Variants in ARSD observed in about 807,000 individuals in gnomAD.
ARSD encodes testis tissue sperm-binding protein Li 39a.
A neutral mutation model predicts 32.6 loss-of-function variants in ARSD; 21 were observed. That is an observed-to-expected ratio of 0.64 (90% CI 0.46 to 0.93). ARSD has a LOEUF of 0.93. Among genes scored for constraint, ARSD ranks in the 40% least tolerant of loss-of-function variants. The pLI, the probability that ARSD is intolerant of heterozygous loss-of-function variation, is 0.00. For synonymous variants in ARSD, 224 were observed against 237.4 expected (o/e 0.94, Z 0.52); for missense variants, 454 against 520.9 (o/e 0.87, Z 1.25).
rs1272461019 is a variant in ARSD at position 2,928,424 on chromosome X, G to C, written c.44+808C>G. On this transcript the variant is annotated intron_variant, in intron 1 of 9. Transcript: ENST00000381154. ...GTCACAGCCGTGCTTGGGAGGATGGGGTCTGGGGGAAGGACGGGGCGCGTC... is the reference window on the plus strand; with the variant it reads ...GTCACAGCCGTGCTTGGGAGGATGGCGTCTGGGGGAAGGACGGGGCGCGTC... Among the ~76,000 whole-genome samples the C allele has an allele frequency of 8.3e-5, 8 of 96,766 alleles. 1 individual carries two copies. The highest frequency in any genetic ancestry group is 1.5e-4 in the Non-Finnish European group (7 of 47,877). The allele number at this position is 96,766 out of a possible 115,157, so 84.0% of individuals were successfully genotyped here.
intron 3 of ARSD, 95 bp from the exon 4 acceptor site, chrX:2,920,818 G>A: frequency 9.4e-7 from 1 of 1,060,491 alleles, no homozygotes; most frequent in African/African-American, 1.8e-5. Flanking sequence ...CTGGATTTGT[G>A]CACCCGAGCC....
At chrX:2,927,394 G>A (rs1157296678) in intron 1 of ARSD, among the ~76,000 whole-genome samples, 1 of 110,728 alleles carries the variant, frequency 9.0e-6, no homozygotes, top group African/African-American at 3.3e-5. Flanking sequence ...TGAGTAGCTG[G>A]GATCACAGGT....
At chrX:2,925,583 A>C (rs41302607) in intron 2 of ARSD, 33 bp downstream of exon 2, 8 of 1,193,726 alleles carry the variant, frequency 6.7e-6, no homozygotes, top group South Asian at 1.8e-5. Flanking sequence ...AAACTCACAT[A>C]ACATCATCAC....
intron 1 of ARSD, among the ~76,000 whole-genome samples, chrX:2,927,150 G>A (rs1451183269): frequency 5.4e-5 from 6 of 111,252 alleles, no homozygotes; most frequent in African/African-American, 2.0e-4. Context: ...CAGTGCTGCT[G>A]AGGCAGGAGA....
chrX:2,907,390 G>A lies in ARSD; in HGVS notation c.1663C>T (p.Leu555=). The change falls in exon 10 of 10, where the codon CTG becomes TTG. Residue 555 remains leucine, a synonymous_variant. Coordinates refer to ENST00000381154, the MANE Select transcript of ARSD (RefSeq NM_001669.4). ...GAAVSEHRQT[L]SPVPQQFSMS... is the part of the protein sequence containing the mutation. ...GAAAACTGCTGGGGCACAGGACTCA[G>A]GGTCTGCCGATGCTCCGACACCGCG... 8.2e-7 allele frequency: 1 copy of A among 1,212,136 alleles called. No homozygotes were observed. Among genetic ancestry groups the A allele is most frequent in the Non-Finnish European group, 1.1e-6 (1 of 895,611 alleles).
At chrX:2,926,695 A>C in intron 1 of ARSD, among the ~76,000 whole-genome samples, 1 of 112,619 alleles carries the variant, frequency 8.9e-6, no homozygotes, top group Non-Finnish European at 1.9e-5. Context: ...GATTTGAGTA[A>C]GCAAGAAGAA....
intron 5 of ARSD, 99 bp downstream of exon 5, chrX:2,917,704 TA>T: frequency 1.1e-6 from 1 of 892,364 alleles, no homozygotes; most frequent in Non-Finnish European, 1.5e-6. Flanking sequence ...GCACCTGGGC[TA>T]AAAGATCCTC....
chrX:2,915,218 G>A (rs1480787654), intron 6 of ARSD, among the ~76,000 whole-genome samples: 6 of 110,609 alleles, frequency 5.4e-5, no homozygotes, highest in Non-Finnish European at 7.6e-5. Flanking sequence ...ACAGTGGTGC[G>A]ATCTCAACTC....
chrX:2,915,180 A>C (rs1471351402), intron 6 of ARSD, among the ~76,000 whole-genome samples: 7 of 109,499 alleles, frequency 6.4e-5, no homozygotes, highest in Admixed American at 2.9e-4. Flanking sequence ...TTTGAGACGG[A>C]GTCTTGATCT....
chrX:2,916,060 A>G (rs181331254), intron 5 of ARSD, among the ~76,000 whole-genome samples: 3,979 of 93,676 alleles, frequency 0.042, 218 homozygotes, highest in African/African-American at 0.15. Context: ...TGAGCCCGGG[A>G]GGTGGAGCTT....
chrX:2,909,058 T>C (rs1201817633), intron 8 of ARSD, among the ~76,000 whole-genome samples: 1 of 108,490 alleles, frequency 9.2e-6, no homozygotes, highest in East Asian at 3.0e-4. Context: ...TCATTTGTTA[T>C]GCAGCACTGC....
At chrX:2,928,659 G>C (rs765829031) in intron 1 of ARSD, among the ~76,000 whole-genome samples, 3 of 84,041 alleles carry the variant, frequency 3.6e-5, no homozygotes, top group Non-Finnish European at 7.0e-5. Context: ...GGCCGTGCTG[G>C]AAGGCATCGA....
At position 2,904,150 on chromosome X, in the gene ARSD, T is replaced by C. The variant is rs1397535691; in HGVS notation, c.*3121A>G. 9.0e-6 allele frequency: 1 copy of C among 111,442 alleles called. No individual in the cohort carries two copies. The highest frequency in any genetic ancestry group is 3.3e-5 in the African/African-American group (1 of 30,612). 9.2% of individuals were successfully genotyped at this position (111,442 alleles called of 1,213,427 possible). On this transcript the variant is annotated 3_prime_UTR_variant, in exon 10 of 10. Transcript: ENST00000381154. ...AGAACAGAGGTTGATTTAAACTCCT[T>C]ACACTCACTTCTCAGATCAATGAAT... is the stretch of plus-strand genomic sequence containing the variant.
intron 5 of ARSD, among the ~76,000 whole-genome samples, chrX:2,917,476 T>C (rs1489138885): frequency 9.1e-6 from 1 of 110,051 alleles, no homozygotes; most frequent in Non-Finnish European, 1.9e-5. Context: ...AATTAAACTT[T>C]ATTTTTATTT....
In ARSD at chrX:2,908,007, T is replaced by C. The variant is rs1376126115; in HGVS notation, c.1421-375A>G. Reference sequence around the variant, plus strand: ...TTTCTACACAGAAACAACCATGATATTTTAAACAGCATGATTGGGTACTTA... The same window carrying C: ...TTTCTACACAGAAACAACCATGATACTTTAAACAGCATGATTGGGTACTTA... On this transcript the variant is annotated intron_variant, in intron 9 of 9. Coordinates refer to ENST00000381154, the MANE Select transcript of ARSD (RefSeq NM_001669.4). The C allele has an allele frequency of 5.3e-6, 4 of 760,845 alleles. No individual in the cohort carries two copies. In the East Asian group the frequency reaches 4.2e-4, roughly 80 times the overall value. The allele number at this position is 760,845 out of a possible 1,213,427, so 62.7% of individuals were successfully genotyped here. A position where few individuals can be genotyped will look rare whatever the true frequency, so the allele number is the denominator to read the frequency against.
Position 2,909,926 on chromosome X carries a change from G to A in ARSD, c.1189C>T (p.His397Tyr). Residue 397 changes from histidine (H) to tyrosine (Y), a missense_variant, in exon 8 of 10, where the codon CAC becomes TAC. By Grantham distance (83) the His-to-Tyr change is moderately conservative (BLOSUM62 2). Transcript: ENST00000381154. ...CCGGCCGGGAGCACCCCCGGCCAGTGGAAGATCCCGGGCACGCGGATCCCA... is the reference window on the plus strand; with the variant it reads ...CCGGCCGGGAGCACCCCCGGCCAGTAGAAGATCCCGGGCACGCGGATCCCA... Reference protein sequence around the residue: ...EGGIRVPGIFHWPGVLPAGRV... With the variant: ...EGGIRVPGIFYWPGVLPAGRV... The A allele has an allele frequency of 1.7e-6, 2 of 1,210,844 alleles. No individual in the cohort carries two copies. The highest frequency in any genetic ancestry group is 2.2e-6 in the Non-Finnish European group (2 of 895,325).
rs1317222068 is a variant in ARSD at position 2,915,606 on chromosome X, C to T, written c.950G>A (p.Ser317Asn). Residue 317 changes from serine to asparagine, a missense_variant, in exon 6 of 10, where the codon AGT (serine) becomes AAT (asparagine). Coordinates refer to ENST00000381154, the MANE Select transcript of ARSD (RefSeq NM_001669.4). The part of the protein sequence containing the change: ...LVTTSAFLGK[S>N]QHGLYGDNVE... ...ATTATCACCATATAAGCCATGCTGACTTTTCCCCAGGAATGCACTCGTGGT... is the reference window on the plus strand; with the variant it reads ...ATTATCACCATATAAGCCATGCTGATTTTTCCCCAGGAATGCACTCGTGGT... 1 of 1,211,708 alleles carries T rather than the reference C, an allele frequency of 8.3e-7. No individual in the cohort carries two copies. Among genetic ancestry groups the T allele is most frequent in the East Asian group, 3.0e-5 (1 of 33,858 alleles).
intron 1 of ARSD, among the ~76,000 whole-genome samples, chrX:2,928,277 A>G (rs2089106171): frequency 1.4e-5 from 1 of 73,325 alleles, no homozygotes; most frequent in Non-Finnish European, 2.5e-5. Flanking sequence ...TGTGGTGGAG[A>G]TGGGGACGGG....
At chrX:2,916,131 C>CAAAAAAAA (rs55848346) in intron 5 of ARSD, among the ~76,000 whole-genome samples, 1 of 38,258 alleles carries the variant, frequency 2.6e-5, no homozygotes, top group African/African-American at 1.1e-4. Context: ...GACCCTGTCT[C>CAAAAAAAA]AAAAAAAAAA....
Sources: gnomAD v4.1 joint callset for allele counts (sites outside exome capture counted in the v4.1 genomes callset) on GRCh38, gnomAD v4.1.1 for gene constraint, MANE v1.5 for transcripts, NCBI Gene and HGNC (gene_info 2026-07-23, HGNC 2026-07-21) for gene names.